Variants in KIF1C observed in about 807,000 individuals in gnomAD.
The protein encoded by KIF1C is kinesin family member 1C.
KIF1C carries 61 observed loss-of-function variants against 126.5 expected under a neutral mutation model. That is an observed-to-expected ratio of 0.48 (90% CI 0.39 to 0.60). KIF1C has a LOEUF of 0.60. KIF1C is among the 20% of genes least tolerant of loss of function. The pLI is 0.00. For missense variants in KIF1C, 1,315 were observed against 1,489.2 expected (o/e 0.88, Z 1.93); for synonymous variants, 640 against 580.6 (o/e 1.10, Z -1.47).
At chr17:5,008,480 G>A in intron 16 of KIF1C, among the ~76,000 whole-genome samples, 1 of 152,210 alleles carries the variant, frequency 6.6e-6, no homozygotes, top group East Asian at 1.9e-4. Flanking sequence ...AGAGGATCAG[G>A]CCCTAAGTCA....
chr17:5,003,692 G>A lies in KIF1C; in HGVS notation c.798+3G>A. The A allele has an allele frequency of 6.2e-7, 1 of 1,612,272 alleles. No homozygotes were observed. The highest frequency in any genetic ancestry group is 1.7e-5 in the Admixed American group (1 of 59,952). On this transcript the variant is annotated splice_donor_region_variant and intron_variant, in intron 9 of 22. Coordinates refer to ENST00000320785, the MANE Select transcript of KIF1C (RefSeq NM_006612.6). Reference sequence around the variant, plus strand: ...GGGCCCGGGGCATGCGCCTGAAGGTGAGGGGCCTTCAGAGGGTGGTTTGTT... The same window carrying A: ...GGGCCCGGGGCATGCGCCTGAAGGTAAGGGGCCTTCAGAGGGTGGTTTGTT...
In KIF1C at chr17:5,022,669, A is replaced by T; in HGVS notation, c.2588A>T (p.Asp863Val). 1.3e-6 allele frequency: 2 copies of T among 1,586,818 alleles called. No individual in the cohort carries two copies. Among genetic ancestry groups the T allele is most frequent in the East Asian group, 4.5e-5 (2 of 44,584 alleles). The change falls in exon 22 of 23, where the codon GAC becomes GTC. Residue 863 changes from aspartate (D) to valine (V), a missense_variant. By Grantham distance (152) the Asp-to-Val change is radical (BLOSUM62 -3). This residue lies in a region of KIF1C where 441 missense variants were observed against 436.1 expected (regional missense o/e 1.01). Coordinates refer to ENST00000320785, the MANE Select transcript of KIF1C (RefSeq NM_006612.6). This position sits in a 1 kb window ranked among gnomAD's most constrained non-coding sequence, Gnocchi z 4.9. The part of the protein sequence containing the change: ...SKDRELQALR[D>V]RMLRMERVIP... The stretch of plus-strand genomic sequence containing the variant: ...GACCGGGAGCTGCAGGCCCTGCGGG[A>T]CCGCATGCTCCGCATGGAGAGGGTC...
chr17:5,008,886 G>A (rs1405650866), intron 16 of KIF1C, among the ~76,000 whole-genome samples: 1 of 152,176 alleles, frequency 6.6e-6, no homozygotes, highest in South Asian at 2.1e-4. Context: ...CTTCCACCAC[G>A]GTTGCAAGGA....
At position 5,024,456 on chromosome 17, in the gene KIF1C, G is replaced by A. The variant is rs973474096; in HGVS notation, c.*305G>A. On this transcript the variant is annotated 3_prime_UTR_variant, in exon 23 of 23. Transcript: ENST00000320785. ...GTGGGGTGGGGGGCTGGGGTGCTGC[G>A]TAGCCAGTGTTTGACTTTCTTTTCA... 5 of 342,124 alleles carry A rather than the reference G, an allele frequency of 1.5e-5. No individual in the cohort carries two copies. Among genetic ancestry groups the A allele is most frequent in the Admixed American group, 4.6e-5 (1 of 21,890 alleles). The allele number at this position is 342,124 out of a possible 1,614,324, so 21.2% of individuals were successfully genotyped here. A position where few individuals can be genotyped will look rare whatever the true frequency, so the allele number is the denominator to read the frequency against.
At chr17:5,015,091 T>C (rs1974944757) in intron 18 of KIF1C, among the ~76,000 whole-genome samples, 1 of 152,132 alleles carries the variant, frequency 6.6e-6, no homozygotes, top group Admixed American at 6.5e-5. Flanking sequence ...AAGGTAGAAA[T>C]GGGACACTAG....
chr17:5,014,809 C>T lies in KIF1C; in HGVS notation c.1638C>T (p.Phe546=). ...GQFIREQHCL[F]RSIPQPDGEV... ...TCATTCGGGAGCAACACTGTCTGTT[C>T]CGGAGCATCCCCCAGCCAGATGGAG... The change falls in exon 18 of 23, where the codon TTC becomes TTT. Residue 546 remains phenylalanine (F), a synonymous_variant. Transcript: ENST00000320785. 6.3e-7 allele frequency: 1 copy of T among 1,599,550 alleles called. No individual in the cohort carries two copies. Among genetic ancestry groups the T allele is most frequent in the Non-Finnish European group, 8.5e-7 (1 of 1,173,532 alleles).
intron 18 of KIF1C, among the ~76,000 whole-genome samples, chr17:5,017,699 T>A (rs1975003747): frequency 6.6e-6 from 1 of 151,706 alleles, no homozygotes; most frequent in Non-Finnish European, 1.5e-5. Context: ...AAGAATGGTT[T>A]TTACTGACCA....
In KIF1C at chr17:5,014,760, T is replaced by G. The variant is rs771984501; in HGVS notation, c.1589T>G (p.Met530Arg). The change falls in exon 18 of 23, where the codon ATG becomes AGG. Residue 530 changes from methionine (M) to arginine (R), a missense_variant. Transcript: ENST00000320785. ...TTCCCCAGGGTCGGCCAAGTAGATA[T>G]GGACATCAAGCTGACCGGACAGTTC... ...DGVTRVGQVDMDIKLTGQFIR... is the reference protein window; with the variant it reads ...DGVTRVGQVDRDIKLTGQFIR... 6 of 1,597,040 alleles carry G rather than the reference T, an allele frequency of 3.8e-6. No individual in the cohort carries two copies. The highest frequency in any genetic ancestry group is 4.3e-6 in the Non-Finnish European group (5 of 1,172,250).
intron 8 of KIF1C, 35 bp downstream of exon 8, chr17:5,002,877 T>C: frequency 7.2e-7 from 1 of 1,393,008 alleles, no homozygotes; most frequent in Non-Finnish European, 9.7e-7. Context: ...CCCCACCGGA[T>C]GCAACCTCCC....
Position 5,001,284 on chromosome 17 carries a change from G to A in KIF1C, c.246G>A (p.Leu82=), listed in dbSNP as rs754405334. 6.2e-7 allele frequency: 1 copy of A among 1,614,168 alleles called. No homozygotes were observed. Among genetic ancestry groups the A allele is most frequent in the Non-Finnish European group, 8.5e-7 (1 of 1,179,980 alleles). The change falls in exon 5 of 23, where the codon CTG becomes CTA. Residue 82 remains leucine, a synonymous_variant. Coordinates refer to ENST00000320785, the MANE Select transcript of KIF1C (RefSeq NM_006612.6). ...ATCGGGACATTGGAGAAGAGATGCT[G>A]CTCCACGCCTTTGAAGGCTACAACG... ...QVYRDIGEEM[L]LHAFEGYNVC...
rs185366749 is a variant in KIF1C at position 5,019,609 on chromosome 17, C to A, written c.1667-387C>A. The A allele has an allele frequency of 2.0e-3, 465 of 228,312 alleles. 1 individual carries two copies. Among genetic ancestry groups the A allele is most frequent in the South Asian group, 4.1e-3 (55 of 13,540 alleles). 14.1% of individuals were successfully genotyped at this position (228,312 alleles called of 1,614,324 possible). On this transcript the variant is annotated intron_variant, in intron 18 of 22. Coordinates refer to ENST00000320785, the MANE Select transcript of KIF1C (RefSeq NM_006612.6). ...TACAAGCCTGCTGGAGGAGCCCAGG[C>A]CCCACCAGGGATAATGTCAGTGGGA... is the stretch of plus-strand genomic sequence containing the variant.
At chr17:5,021,756 G>A (rs1326494194) in intron 21 of KIF1C, among the ~76,000 whole-genome samples, 4 of 151,798 alleles carry the variant, frequency 2.6e-5, no homozygotes, top group African/African-American at 7.3e-5. Context: ...TGCTGGGATT[G>A]CAGGCACGAG....
rs1975202409 is a variant in KIF1C, at chr17:5,025,986, A to G, written c.*1835A>G. ...GTCCCCACATTTTCATCCTGTTCTC[A>G]GGAAAACACTTTGACCCACTTGAAG... On this transcript the variant is annotated 3_prime_UTR_variant, in exon 23 of 23. Transcript: ENST00000320785. 1 of 152,186 alleles carries G rather than the reference A, an allele frequency of 6.6e-6. No individual in the cohort carries two copies. The highest frequency in any genetic ancestry group is 1.5e-5 in the Non-Finnish European group (1 of 68,034). The allele number at this position is 152,186 out of a possible 1,614,324, so 9.4% of individuals were successfully genotyped here.
At chr17:5,009,467 C>T (rs1426467608) in intron 16 of KIF1C, among the ~76,000 whole-genome samples, 2 of 151,820 alleles carry the variant, frequency 1.3e-5, no homozygotes, top group South Asian at 2.1e-4. Context: ...TGTGAGCCAC[C>T]GTGCCAGGCC....
intron 4 of KIF1C, 32 bp from the exon 5 acceptor site, chr17:5,001,190 C>G (rs749675168): frequency 6.2e-7 from 1 of 1,607,038 alleles, no homozygotes; most frequent in Non-Finnish European, 8.5e-7. Context: ...TCCAGGGTTA[C>G]TCTGTTTTTC....
In KIF1C at chr17:5,023,546, GC is replaced by G; in HGVS notation, c.2712del (p.Ser905ValfsTer183). ...PEGSEAAEEA[A>X]PSDRMPSARP... ...AGGATCAGAGGCAGCAGAGGAGGCA[GC>G]CCCCAGTGACCGCATGCCGTCAGCC... On this transcript the variant is annotated frameshift_variant, in exon 23 of 23. Transcript: ENST00000320785. LOFTEE classifies it high-confidence loss of function. This position sits in a 1 kb window ranked among gnomAD's most constrained non-coding sequence, Gnocchi z 4.2. 1 of 1,613,916 alleles carries G rather than the reference GC, an allele frequency of 6.2e-7. No individual in the cohort carries two copies. The highest frequency in any genetic ancestry group is 1.7e-4 in the Middle Eastern group (1 of 6,060).
intron 13 of KIF1C, 102 bp downstream of exon 13, chr17:5,005,102 C>G: frequency 7.0e-7 from 1 of 1,420,156 alleles, no homozygotes; most frequent in African/African-American, 1.4e-5. Context: ...GGACCACACA[C>G]TATGAAACCT....
In KIF1C at chr17:5,002,644, T is replaced by G. The variant is rs1181193435; in HGVS notation, c.608+2T>G. 6.2e-7 allele frequency: 1 copy of G among 1,611,516 alleles called. No individual in the cohort carries two copies. On this transcript the variant is annotated splice_donor_variant, in intron 7 of 22. Coordinates refer to ENST00000320785, the MANE Select transcript of KIF1C (RefSeq NM_006612.6). LOFTEE classifies it high-confidence loss of function. Reference sequence around the variant, plus strand: ...CATGGACTGTGGAAATAAAGCACGGTGAGGCAGGCTGATGGAGCAGAGGGC... The same window carrying G: ...CATGGACTGTGGAAATAAAGCACGGGGAGGCAGGCTGATGGAGCAGAGGGC...
At chr17:5,018,606 T>G (rs1975027606) in intron 18 of KIF1C, among the ~76,000 whole-genome samples, 1 of 151,862 alleles carries the variant, frequency 6.6e-6, no homozygotes, top group Admixed American at 6.6e-5. Flanking sequence ...GGAGAATTGC[T>G]TGAACCCAGG....
Sources: allele counts gnomAD v4.1 joint callset (sites outside exome capture counted in the v4.1 genomes callset), GRCh38; gene constraint gnomAD v4.1.1; regional missense constraint gnomAD v4.1.1; non-coding constraint Gnocchi (gnomAD v3.1); transcripts MANE v1.5; gene names NCBI Gene and HGNC (gene_info 2026-07-23, HGNC 2026-07-21).